The following CPED1 variants were observed in gnomAD, a reference collection of about 807,000 sequenced individuals.
CPED1 encodes cadherin like and PC-esterase domain containing 1, also known as cadherin-like and PC-esterase domain-containing protein 1.
CPED1 carries 114 observed loss-of-function variants against 128.2 expected under a neutral mutation model. That is an observed-to-expected ratio of 0.89 (90% CI 0.76 to 1.04). The LOEUF (loss-of-function observed/expected upper bound fraction) is 1.04, where lower values mean the gene tolerates loss of function less well. Ranked by LOEUF, CPED1 falls within the 50% of genes least tolerant of loss-of-function variation. The pLI, the probability that CPED1 is intolerant of heterozygous loss-of-function variation, is 0.00. For synonymous variants in CPED1, 462 were observed against 426.7 expected (o/e 1.08, Z -1.02); for missense variants, 1,211 against 1,207.1 (o/e 1.00, Z -0.05).
intron 16 of CPED1, among the ~76,000 whole-genome samples, chr7:121,179,101 G>A (rs555563315): frequency 1.3e-5 from 2 of 152,232 alleles, no homozygotes; most frequent in African/African-American, 4.8e-5. Flanking sequence ...TCAAAATGGA[G>A]TGATCAGTGA....
At chr7:121,174,003 A>T (rs150332754) in intron 16 of CPED1, among the ~76,000 whole-genome samples, 12 of 152,126 alleles carry the variant, frequency 7.9e-5, no homozygotes, top group African/African-American at 2.2e-4. Flanking sequence ...GCTTTTGTTC[A>T]TTTGATTGTT....
intron 16 of CPED1, among the ~76,000 whole-genome samples, chr7:121,188,726 C>T (rs190861838): frequency 9.9e-4 from 150 of 151,782 alleles, no homozygotes; most frequent in African/African-American, 3.5e-3. Flanking sequence ...ATGGCAAAGC[C>T]AAGAAGGAAT....
chr7:121,216,176 G>C (rs1797755191), intron 16 of CPED1, among the ~76,000 whole-genome samples: 1 of 152,020 alleles, frequency 6.6e-6, no homozygotes. Context: ...AAATAAGATA[G>C]AAAAGTATTT....
intron 18 of CPED1, 22 bp downstream of exon 18, chr7:121,244,360 G>A: frequency 6.2e-7 from 1 of 1,613,684 alleles, no homozygotes; most frequent in East Asian, 2.2e-5. Context: ...ATCTAGTGGG[G>A]GAAGCCTTTA....
intron 7 of CPED1, among the ~76,000 whole-genome samples, chr7:121,115,367 A>C (rs924858947): frequency 6.6e-6 from 1 of 152,176 alleles, no homozygotes; most frequent in Admixed American, 6.5e-5. Flanking sequence ...TAAATTTCCT[A>C]TGGATTCAAA....
At chr7:121,015,110 A>G (rs1183723998) in intron 2 of CPED1, among the ~76,000 whole-genome samples, 1 of 152,194 alleles carries the variant, frequency 6.6e-6, no homozygotes, top group Non-Finnish European at 1.5e-5. Flanking sequence ...TCACATGTGA[A>G]GACCCATTCT....
chr7:121,097,105 T>A (rs1028196067), intron 5 of CPED1, among the ~76,000 whole-genome samples: 1 of 152,196 alleles, frequency 6.6e-6, no homozygotes. Flanking sequence ...TTTGTAATCA[T>A]GTATATGCAA....
At chr7:121,251,263 C>A (rs1798665743) in intron 18 of CPED1, among the ~76,000 whole-genome samples, 1 of 152,174 alleles carries the variant, frequency 6.6e-6, no homozygotes, top group African/African-American at 2.4e-5. Context: ...CAAAATTCAA[C>A]AACCCTTCAT....
intron 22 of CPED1, among the ~76,000 whole-genome samples, chr7:121,284,056 G>T (rs1584654034): frequency 6.6e-6 from 1 of 152,144 alleles, no homozygotes; most frequent in Non-Finnish European, 1.5e-5. Flanking sequence ...AAAGGAAAGA[G>T]GTTTAATTGA....
chr7:121,036,790 G>T (rs180833861), intron 3 of CPED1, among the ~76,000 whole-genome samples: 7 of 151,938 alleles, frequency 4.6e-5, no homozygotes, highest in Non-Finnish European at 7.4e-5. Flanking sequence ...CTACATTCAT[G>T]CCAACATCTA....
intron 5 of CPED1, among the ~76,000 whole-genome samples, chr7:121,065,200 G>A (rs1247412556): frequency 3.3e-5 from 5 of 152,068 alleles, no homozygotes; most frequent in Non-Finnish European, 5.9e-5. Flanking sequence ...TGAAGTCATC[G>A]ACTGATATTT....
At chr7:121,046,674 G>A (rs1734332136) in intron 3 of CPED1, among the ~76,000 whole-genome samples, 1 of 151,574 alleles carries the variant, frequency 6.6e-6, no homozygotes, top group Non-Finnish European at 1.5e-5. Context: ...ATTTTCTATA[G>A]AATAAAATAC....
chr7:121,186,921 G>A (rs1449695650), intron 16 of CPED1, among the ~76,000 whole-genome samples: 1 of 152,174 alleles, frequency 6.6e-6, no homozygotes, highest in Non-Finnish European at 1.5e-5. Context: ...CTGCACATTA[G>A]TGTGGTCTAC....
Position 121,264,636 on chromosome 7 carries a change from G to A in CPED1, c.2311-1591G>A, listed in dbSNP as rs115803350. ...AGAGTTTAAACCTTTGCAGATTCTC[G>A]CTAAATTTTCTGCAGATGGACAAAT... On this transcript the variant is annotated intron_variant, in intron 18 of 22. Transcript: ENST00000310396. 3.4e-3 allele frequency among the ~76,000 whole-genome samples: 512 copies of A among 151,978 alleles called. 3 individuals are homozygous for A. The highest frequency in any genetic ancestry group is 0.012 in the African/African-American group (491 of 41,484).
At chr7:121,280,316 G>T (rs889213660) in intron 22 of CPED1, among the ~76,000 whole-genome samples, 1 of 152,154 alleles carries the variant, frequency 6.6e-6, no homozygotes. Flanking sequence ...GGAACTGCAT[G>T]AGACTGTAAG....
At chr7:121,229,896 A>G (rs1798099037) in intron 16 of CPED1, among the ~76,000 whole-genome samples, 1 of 152,024 alleles carries the variant, frequency 6.6e-6, no homozygotes, top group South Asian at 2.1e-4. Context: ...CATCACAGAA[A>G]GTAGCACTGG....
In CPED1 at chr7:121,050,706, C is replaced by G. The variant is rs1017502721; in HGVS notation, c.540+3713C>G. The G allele has an allele frequency of 8.1e-5, 34 of 417,428 alleles. 1 individual carries two copies. The highest frequency in any genetic ancestry group is 7.8e-4 in the Middle Eastern group (1 of 1,276). The allele number at this position is 417,428 out of a possible 1,614,324, so 25.9% of individuals were successfully genotyped here. On this transcript the variant is annotated intron_variant, in intron 4 of 22. Transcript: ENST00000310396. ...TCTTGAACTCCTGACCTCAGGTGAT[C>G]CACCGCCTCGGCCTCCCAAAGTGCT... is the stretch of plus-strand genomic sequence containing the variant.
intron 22 of CPED1, among the ~76,000 whole-genome samples, chr7:121,290,201 C>CT (rs1266297468): frequency 6.6e-6 from 1 of 152,206 alleles, no homozygotes; most frequent in East Asian, 1.9e-4. Context: ...CTCATCCAGT[C>CT]TAACATTGAT....
chr7:121,114,907 A>G (rs748315395), intron 7 of CPED1, among the ~76,000 whole-genome samples: 29 of 152,256 alleles, frequency 1.9e-4, no homozygotes, highest in Admixed American at 4.6e-4. Flanking sequence ...ACGTATGCGC[A>G]TGCATAATCG....
Sources: gnomAD v4.1 joint callset for allele counts (sites outside exome capture counted in the v4.1 genomes callset) on GRCh38, gnomAD v4.1.1 for gene constraint, MANE v1.5 for transcripts, NCBI Gene and HGNC (gene_info 2026-07-23, HGNC 2026-07-21) for gene names.